Variants in FGF14 observed in about 807,000 individuals in gnomAD.
FGF14 encodes the protein fibroblast growth factor 14, also known as fibroblast growth factor homologous factor 4.
Under a neutral mutation model 25.5 loss-of-function variants are expected in FGF14, and 5 were observed. The ratio of observed to expected loss-of-function variants is 0.20; its 90% CI spans 0.10 to 0.41. FGF14 has a LOEUF of 0.41. Among genes scored for constraint, FGF14 ranks in the 10% least tolerant of loss-of-function variants. The probability of loss-of-function intolerance (pLI) is 1.00; values close to 1 mark genes in which losing one functional copy is unlikely to be tolerated. For synonymous variants in FGF14, 138 were observed against 118.3 expected (o/e 1.17, Z -1.08); for missense variants, 222 against 320.1 (o/e 0.69, Z 2.34).
At chr13:102,332,063 G>C (rs938147372) in intron 1 of FGF14, among the ~76,000 whole-genome samples, 2 of 152,144 alleles carry the variant, frequency 1.3e-5, no homozygotes, top group Admixed American at 6.6e-5. Flanking sequence ...CCTTGAATAA[G>C]TAACTTTACT....
chr13:102,107,645 G>A (rs1483028077), intron 1 of FGF14, among the ~76,000 whole-genome samples: 3 of 152,196 alleles, frequency 2.0e-5, no homozygotes, highest in Admixed American at 6.5e-5. Context: ...CTGGTCATGT[G>A]TGTTTGCATG....
At chr13:102,279,668 CAATT>C (rs2053730909) in intron 1 of FGF14, among the ~76,000 whole-genome samples, 1 of 151,928 alleles carries the variant, frequency 6.6e-6, no homozygotes, top group South Asian at 2.1e-4. Flanking sequence ...AATGCATACT[CAATT>C]ATATTTTTTC....
chr13:102,103,335 G>A (rs2044747418), intron 1 of FGF14, among the ~76,000 whole-genome samples: 1 of 33,352 alleles, frequency 3.0e-5, no homozygotes, highest in Admixed American at 3.2e-4. Flanking sequence ...ACACCTTACA[G>A]AATAGAAAGA....
chr13:102,396,563 G>T (rs1304572016), intron 1 of FGF14, among the ~76,000 whole-genome samples: 1 of 152,154 alleles, frequency 6.6e-6, no homozygotes, highest in African/African-American at 2.4e-5. Context: ...ATGGAAGACT[G>T]GGTTCGAACA....
intron 1 of FGF14, among the ~76,000 whole-genome samples, chr13:102,185,674 G>T (rs1478498243): frequency 6.6e-6 from 1 of 152,034 alleles, no homozygotes; most frequent in Admixed American, 6.6e-5. Flanking sequence ...ATTTAATTTA[G>T]AGAAGCCACA....
At chr13:101,809,813 C>G (rs895277145) in intron 3 of FGF14, among the ~76,000 whole-genome samples, 3 of 152,052 alleles carry the variant, frequency 2.0e-5, no homozygotes, top group Non-Finnish European at 2.9e-5. Flanking sequence ...AGCCAGCTAT[C>G]CAATAAATTA....
intron 1 of FGF14, among the ~76,000 whole-genome samples, chr13:102,092,618 C>A (rs755044292): frequency 6.9e-6 from 1 of 145,772 alleles, no homozygotes; most frequent in South Asian, 2.3e-4. Context: ...AATTCTTAGC[C>A]CCTATAAACA....
Position 101,719,030 on chromosome 13 carries a change from C to G in FGF14, c.*3801G>C, listed in dbSNP as rs977984872. The G allele has an allele frequency of 6.6e-6, 1 of 151,950 alleles. No homozygotes were observed. Among genetic ancestry groups the G allele is most frequent in the African/African-American group, 2.4e-5 (1 of 41,380 alleles). 9.4% of individuals were successfully genotyped at this position (151,950 alleles called of 1,614,324 possible). On this transcript the variant is annotated 3_prime_UTR_variant, in exon 5 of 5. Coordinates refer to ENST00000376143, the MANE Select transcript of FGF14 (RefSeq NM_004115.4). Reference sequence around the variant, plus strand: ...CGCTTTCCCTTGATATAGCCTTGTTCTGAATTAAAATGGAAAAAATATTTC... The same window carrying G: ...CGCTTTCCCTTGATATAGCCTTGTTGTGAATTAAAATGGAAAAAATATTTC...
intron 3 of FGF14, among the ~76,000 whole-genome samples, chr13:101,780,349 A>C: frequency 6.6e-6 from 1 of 152,260 alleles, no homozygotes; most frequent in South Asian, 2.1e-4. Flanking sequence ...AGCAGCCAGA[A>C]ATACTGCTGC....
intron 1 of FGF14, among the ~76,000 whole-genome samples, chr13:101,923,668 CA>C (rs1284433335): frequency 6.6e-6 from 1 of 151,940 alleles, no homozygotes; most frequent in African/African-American, 2.4e-5. Flanking sequence ...ATTAGATTTT[CA>C]AAAACCAAGT....
chr13:101,805,253 A>C (rs2041130716), intron 3 of FGF14, among the ~76,000 whole-genome samples: 1 of 152,190 alleles, frequency 6.6e-6, no homozygotes, highest in Non-Finnish European at 1.5e-5. Context: ...GAAGATCTTG[A>C]AAACAAGGTT....
upstream of FGF14, among the ~76,000 whole-genome samples, chr13:101,919,026 CAT>C (rs1186017188): frequency 6.6e-6 from 1 of 152,260 alleles, no homozygotes; most frequent in African/African-American, 2.4e-5. Flanking sequence ...TTTTCAGTTT[CAT>C]ATGTCTCTTT....
intron 3 of FGF14, among the ~76,000 whole-genome samples, chr13:101,762,482 T>G (rs1362485953): frequency 6.6e-6 from 1 of 152,196 alleles, no homozygotes; most frequent in Non-Finnish European, 1.5e-5. Flanking sequence ...TCTCACTCTA[T>G]CTGCTTTGAG....
At chr13:102,281,690 C>CTTTTTTTTTTTTTTTTTTTTTTTTTT (rs539883822) in intron 1 of FGF14, among the ~76,000 whole-genome samples, 1 of 135,050 alleles carries the variant, frequency 7.4e-6, no homozygotes. Flanking sequence ...ATCCTAACTT[C>CTTTTTTTTTTTTTTTTTTTTTTTTTT]TTTTTTTTTT....
intron 1 of FGF14, among the ~76,000 whole-genome samples, chr13:101,889,193 T>C (rs981494190): frequency 6.6e-6 from 1 of 152,090 alleles, no homozygotes; most frequent in Non-Finnish European, 1.5e-5. Context: ...TCTATGATAC[T>C]TTGTTAAGGT....
intron 3 of FGF14, among the ~76,000 whole-genome samples, chr13:101,848,573 G>A (rs115770296): frequency 0.011 from 1,657 of 152,056 alleles, 36 homozygotes; most frequent in African/African-American, 0.038. Context: ...GTAAATCCAG[G>A]AACTATAGGT....
intron 1 of FGF14, among the ~76,000 whole-genome samples, chr13:102,197,172 T>C (rs1304157105): frequency 1.3e-5 from 2 of 151,508 alleles, no homozygotes; most frequent in Non-Finnish European, 2.9e-5. Flanking sequence ...AGTTTTCCTA[T>C]TGAGGTTTTA....
At chr13:102,305,605 C>T (rs7139861) in intron 1 of FGF14, among the ~76,000 whole-genome samples, 117,962 of 152,128 alleles carry the variant, frequency 0.78, 46,629 homozygotes, top group African/African-American at 0.93. Flanking sequence ...TATATAAATA[C>T]AAGTTTGCTA....
At chr13:102,272,183 C>T (rs1566885898) in intron 1 of FGF14, among the ~76,000 whole-genome samples, 1 of 152,042 alleles carries the variant, frequency 6.6e-6, no homozygotes, top group Non-Finnish European at 1.5e-5. Flanking sequence ...GCCTTTTTAC[C>T]GACAGTTCCC....
Sources: gnomAD v4.1 joint callset for allele counts (sites outside exome capture counted in the v4.1 genomes callset) on GRCh38, gnomAD v4.1.1 for gene constraint, MANE v1.5 for transcripts, NCBI Gene and HGNC (gene_info 2026-07-23, HGNC 2026-07-21) for gene names.